NPFFR2: variants seen among roughly 807,000 people sequenced by gnomAD.
The protein encoded by NPFFR2 is G-protein coupled receptor 74.
A neutral mutation model predicts 13.1 loss-of-function variants in NPFFR2; 15 were observed. That is an observed-to-expected ratio of 1.15 (90% CI 0.77 to 1.76). The LOEUF (loss-of-function observed/expected upper bound fraction) is 1.76, where lower values mean the gene tolerates loss of function less well. NPFFR2 is among the 40% of genes most tolerant of loss of function. NPFFR2 has a pLI of 0.00. For missense variants in NPFFR2, 572 were observed against 503.5 expected (o/e 1.14, Z -1.30); for synonymous variants, 190 against 175.7 (o/e 1.08, Z -0.65).
chr4:72,087,082 T>C lies in NPFFR2; in HGVS notation c.-7-41503T>C, dbSNP rs28483321. 8.0e-3 allele frequency among the ~76,000 whole-genome samples: 1,214 copies of C among 152,176 alleles called. 8 individuals are homozygous for C. The highest frequency in any genetic ancestry group is 0.017 in the African/African-American group (702 of 41,552). ...GGTAGACTCCACCAGAAATACCAAC[T>C]TGGGTTGAAAGAGACCATTTTGCGC... On this transcript the variant is annotated intron_variant, in intron 1 of 3. Transcript: ENST00000308744.
intron 2 of NPFFR2, among the ~76,000 whole-genome samples, chr4:72,134,245 CAGAG>C (rs373215390): frequency 2.0e-5 from 3 of 152,134 alleles, no homozygotes; most frequent in African/African-American, 4.8e-5. Flanking sequence ...GCCTGGGTGA[CAGAG>C]AGAGAGACTG....
chr4:72,126,041 G>T (rs911735825), intron 1 of NPFFR2, among the ~76,000 whole-genome samples: 9 of 152,108 alleles, frequency 5.9e-5, no homozygotes, highest in Admixed American at 5.9e-4. Flanking sequence ...TTCTAATTTA[G>T]AAATTTTCTA....
intron 1 of NPFFR2, among the ~76,000 whole-genome samples, chr4:72,122,309 C>CT (rs1186418891): frequency 1.3e-5 from 2 of 152,110 alleles, no homozygotes; most frequent in Non-Finnish European, 2.9e-5. Flanking sequence ...TAGTGGGAGA[C>CT]TTTAACACCC....
intron 1 of NPFFR2, among the ~76,000 whole-genome samples, chr4:72,105,172 T>A (rs977631057): frequency 2.0e-5 from 3 of 151,620 alleles, no homozygotes; most frequent in Non-Finnish European, 4.4e-5. Flanking sequence ...AAATGAAGTG[T>A]CAGTTTCATT....
chr4:72,062,638 T>G (rs1326935689), intron 1 of NPFFR2, among the ~76,000 whole-genome samples: 1 of 152,180 alleles, frequency 6.6e-6, no homozygotes, highest in East Asian at 1.9e-4. Flanking sequence ...CCCTTTAATA[T>G]GGGCTGCACA....
intron 2 of NPFFR2, among the ~76,000 whole-genome samples, chr4:72,132,716 T>C (rs968981923): frequency 1.3e-5 from 2 of 152,212 alleles, no homozygotes; most frequent in Admixed American, 6.5e-5. Flanking sequence ...TGATATCCCA[T>C]TGTGGTTTTT....
intron 1 of NPFFR2, among the ~76,000 whole-genome samples, chr4:72,035,433 G>C (rs1053837024): frequency 2.0e-5 from 3 of 152,172 alleles, no homozygotes; most frequent in Admixed American, 1.3e-4. Flanking sequence ...CAGAGACCAG[G>C]AAAAGAGAGG....
chr4:72,063,051 A>C (rs1719965823), intron 1 of NPFFR2, among the ~76,000 whole-genome samples: 1 of 152,250 alleles, frequency 6.6e-6, no homozygotes, highest in South Asian at 2.1e-4. Context: ...TTACAAACTG[A>C]GCAGTAAGTA....
At chr4:72,048,849 A>G (rs1404140763) in intron 1 of NPFFR2, among the ~76,000 whole-genome samples, 2 of 152,080 alleles carry the variant, frequency 1.3e-5, no homozygotes, top group Admixed American at 6.6e-5. Flanking sequence ...CACAGATCAT[A>G]TTAAAATTTA....
At chr4:72,140,177 T>A (rs1722557983) in intron 3 of NPFFR2, among the ~76,000 whole-genome samples, 1 of 152,332 alleles carries the variant, frequency 6.6e-6, no homozygotes, top group Non-Finnish European at 1.5e-5. Context: ...TGGGGTTTTC[T>A]AAATATACAA....
chr4:72,077,467 T>C (rs893376928), intron 1 of NPFFR2, among the ~76,000 whole-genome samples: 2 of 152,168 alleles, frequency 1.3e-5, no homozygotes, highest in African/African-American at 4.8e-5. Context: ...GGTTTCTTGC[T>C]TTTTTCTTTC....
chr4:72,076,008 GAGAGAGA>G (rs1720424729), intron 1 of NPFFR2, among the ~76,000 whole-genome samples: 1 of 7,680 alleles, frequency 1.3e-4, no homozygotes, highest in Admixed American at 2.2e-3. Flanking sequence ...CACACACACA[GAGAGAGA>G]GAGAGGGCAG....
chr4:72,091,813 TTTG>T lies in NPFFR2; in HGVS notation c.-7-36763_-7-36761del, dbSNP rs376236341. On this transcript the variant is annotated intron_variant, in intron 1 of 3. Coordinates refer to ENST00000308744, the MANE Select transcript of NPFFR2 (RefSeq NM_004885.3). ...TTTGTTTCATTTATGTTTTGTATTT[TTTG>T]TTGTTGTTTCTATTTCATTTAGTTT... Among the ~76,000 whole-genome samples the T allele has an allele frequency of 2.8e-4, 43 of 152,208 alleles. 1 individual carries two copies. The highest frequency in any genetic ancestry group is 2.5e-3 in the East Asian group (13 of 5,182).
At chr4:72,056,670 A>G (rs964542968) in intron 1 of NPFFR2, among the ~76,000 whole-genome samples, 1 of 152,054 alleles carries the variant, frequency 6.6e-6, no homozygotes, top group Admixed American at 6.6e-5. Flanking sequence ...TCACCATTTT[A>G]GATGCCATGA....
intron 1 of NPFFR2, among the ~76,000 whole-genome samples, chr4:72,091,265 G>A (rs1483830677): frequency 6.6e-6 from 1 of 152,000 alleles, no homozygotes; most frequent in Non-Finnish European, 1.5e-5. Context: ...TTGCATGTGT[G>A]TTCATCAGGG....
At chr4:72,104,026 C>A (rs1721335506) in intron 1 of NPFFR2, among the ~76,000 whole-genome samples, 1 of 151,978 alleles carries the variant, frequency 6.6e-6, no homozygotes, top group Admixed American at 6.6e-5. Context: ...ATTTAATGAG[C>A]AGTTTAGCTG....
At chr4:72,035,634 T>G (rs950354155) in intron 1 of NPFFR2, among the ~76,000 whole-genome samples, 1 of 152,144 alleles carries the variant, frequency 6.6e-6, no homozygotes, top group Non-Finnish European at 1.5e-5. Context: ...GCATACCAGC[T>G]AGGCTGTATA....
intron 1 of NPFFR2, among the ~76,000 whole-genome samples, chr4:72,117,520 G>T (rs1286972015): frequency 6.6e-6 from 1 of 152,084 alleles, no homozygotes; most frequent in Non-Finnish European, 1.5e-5. Context: ...TGCACAATTG[G>T]CTCTCACTGT....
chr4:72,076,012 G>C (rs1250587742), intron 1 of NPFFR2, among the ~76,000 whole-genome samples: 231 of 8,360 alleles, frequency 0.028, 3 homozygotes, highest in African/African-American at 0.047. Flanking sequence ...CACACAGAGA[G>C]AGAGAGAGGG....
Sources: gnomAD v4.1 joint callset for allele counts (sites outside exome capture counted in the v4.1 genomes callset) on GRCh38, gnomAD v4.1.1 for gene constraint, MANE v1.5 for transcripts, NCBI Gene and HGNC (gene_info 2026-07-23, HGNC 2026-07-21) for gene names.